RAB2A: variants seen among roughly 807,000 people sequenced by gnomAD.
The protein encoded by RAB2A is ras-related protein Rab-2A.
Under a neutral mutation model 32.5 loss-of-function variants are expected in RAB2A, and 7 were observed. The ratio of observed to expected loss-of-function variants is 0.22; its 90% CI spans 0.12 to 0.40. The LOEUF is 0.40. Among genes scored for constraint, RAB2A ranks in the 10% least tolerant of loss-of-function variants. The pLI, the probability that RAB2A is intolerant of heterozygous loss-of-function variation, is 1.00. For synonymous variants in RAB2A, 79 were observed against 85.2 expected (o/e 0.93, Z 0.40); for missense variants, 108 against 260.7 (o/e 0.41, Z 4.03).
intron 2 of RAB2A, chr8:60,559,183 T>G: frequency 2.8e-6 from 1 of 351,106 alleles, no homozygotes; most frequent in East Asian, 5.9e-5. Flanking sequence ...ATGAAACAAT[T>G]TAAGAGACAG....
intron 6 of RAB2A, among the ~76,000 whole-genome samples, chr8:60,609,855 G>C (rs1804305855): frequency 6.6e-6 from 1 of 150,910 alleles, no homozygotes; most frequent in Admixed American, 6.6e-5. Context: ...TGTACTCCCA[G>C]CTATGAGGTA....
chr8:60,540,491 CTTCTTT>C (rs1807623424), intron 1 of RAB2A, among the ~76,000 whole-genome samples: 1 of 142,388 alleles, frequency 7.0e-6, no homozygotes, highest in East Asian at 2.1e-4. Flanking sequence ...CCCTCCCTTT[CTTCTTT>C]TTGAGACAGT....
intron 1 of RAB2A, among the ~76,000 whole-genome samples, chr8:60,556,572 G>A (rs912297350): frequency 8.6e-5 from 13 of 150,742 alleles, no homozygotes; most frequent in African/African-American, 3.2e-4. Context: ...GGCTAAGGTG[G>A]TAGGATCTCT....
At chr8:60,598,556 GTA>G (rs56831958) in intron 6 of RAB2A, among the ~76,000 whole-genome samples, 80,803 of 151,756 alleles carry the variant, frequency 0.53, 24,358 homozygotes, top group African/African-American at 0.83. Context: ...CGTTTATAAA[GTA>G]TATATACATC....
rs577310017 is a variant in RAB2A at position 60,613,332 on chromosome 8, A to G, written c.475-5248A>G. 6.6e-5 allele frequency among the ~76,000 whole-genome samples: 10 copies of G among 152,234 alleles called. No individual in the cohort carries two copies. The East Asian group carries it at 9.6e-4, about 15-fold the overall frequency. ...GTTCATGCCAACAGCTGACACACCT[A>G]TTGGGTGCTTACTACATGTCAAGCA... On this transcript the variant is annotated intron_variant, in intron 6 of 7. Transcript: ENST00000262646.
At chr8:60,579,519 C>T (rs1376584113) in intron 3 of RAB2A, among the ~76,000 whole-genome samples, 1 of 152,160 alleles carries the variant, frequency 6.6e-6, no homozygotes, top group Admixed American at 6.5e-5. Flanking sequence ...GAATCTCTTA[C>T]TATTAAATAC....
rs531486570 is a variant in RAB2A, at chr8:60,567,240, C to T, written c.119-4806C>T. On this transcript the variant is annotated intron_variant, in intron 2 of 7. Transcript: ENST00000262646. ...AAGTAATTCTTGCGCCTCAGCCTCC[C>T]GAGTAGCTGGAATTAGAGGCACGTA... Among the ~76,000 whole-genome samples, 10 of 151,944 alleles carry T rather than the reference C, an allele frequency of 6.6e-5. 1 individual carries two copies. The highest frequency in any genetic ancestry group is 5.8e-4 in the East Asian group (3 of 5,168).
At chr8:60,545,818 A>T (rs1390955352) in intron 1 of RAB2A, among the ~76,000 whole-genome samples, 5 of 152,238 alleles carry the variant, frequency 3.3e-5, no homozygotes. Flanking sequence ...CAGGCCTTAA[A>T]AAACAATGTT....
chr8:60,548,918 TCAGA>T (rs370500810), intron 1 of RAB2A, among the ~76,000 whole-genome samples: 33,687 of 144,378 alleles, frequency 0.23, 3,841 homozygotes, highest in Middle Eastern at 0.42. Context: ...TCCTCACTTC[TCAGA>T]CAGGGCAGTT....
intron 2 of RAB2A, among the ~76,000 whole-genome samples, chr8:60,564,145 G>A (rs1022392302): frequency 6.6e-6 from 1 of 152,046 alleles, no homozygotes; most frequent in Non-Finnish European, 1.5e-5. Flanking sequence ...TGCTCTTTAA[G>A]CAGACATCTT....
At chr8:60,530,373 T>C (rs1284698707) in intron 1 of RAB2A, among the ~76,000 whole-genome samples, 3 of 152,066 alleles carry the variant, frequency 2.0e-5, no homozygotes. Flanking sequence ...TTCAAACTCC[T>C]GACCTCATGT....
intron 2 of RAB2A, chr8:60,570,053 C>T (rs1482521436): frequency 6.6e-6 from 3 of 455,948 alleles, no homozygotes; most frequent in African/African-American, 4.0e-5. Context: ...ATGGAATGGT[C>T]ACAGGTCAGT....
At chr8:60,617,701 C>T (rs777204894) in intron 6 of RAB2A, among the ~76,000 whole-genome samples, 6 of 152,058 alleles carry the variant, frequency 3.9e-5, no homozygotes, top group Non-Finnish European at 4.4e-5. Flanking sequence ...ACCGAGATTG[C>T]GCCGCTGCAC....
intron 2 of RAB2A, among the ~76,000 whole-genome samples, chr8:60,571,256 G>A (rs911006785): frequency 7.2e-5 from 11 of 152,142 alleles, no homozygotes; most frequent in African/African-American, 2.4e-4. Flanking sequence ...GTTGAAAAAT[G>A]TATGCAGAAA....
chr8:60,620,716 G>A lies in RAB2A; in HGVS notation c.586G>A (p.Ala196Thr). The A allele has an allele frequency of 6.2e-7, 1 of 1,613,904 alleles. No individual in the cohort carries two copies. Among genetic ancestry groups the A allele is most frequent in the South Asian group, 1.1e-5 (1 of 91,086 alleles). ...TGGCCCTCAGCATGCTGCTACCAAT[G>A]CAACACATGCAGGCAATCAGGGAGG... Reference protein sequence around the residue: ...KIGPQHAATNATHAGNQGGQQ... With the variant: ...KIGPQHAATNTTHAGNQGGQQ... Residue 196 changes from alanine to threonine, a missense_variant, in exon 8 of 8, where the codon GCA (alanine) becomes ACA (threonine). Coordinates refer to ENST00000262646, the MANE Select transcript of RAB2A (RefSeq NM_002865.3).
intron 5 of RAB2A, among the ~76,000 whole-genome samples, chr8:60,585,398 G>T (rs1180960894): frequency 1.3e-5 from 2 of 152,004 alleles, no homozygotes; most frequent in Non-Finnish European, 2.9e-5. Context: ...CTGCAGCTTG[G>T]CCTCCCGGGC....
chr8:60,558,842 T>C lies in RAB2A; in HGVS notation c.47-10T>C, dbSNP rs1563469673. The C allele has an allele frequency of 2.5e-6, 4 of 1,605,756 alleles. No individual in the cohort carries two copies. The highest frequency in any genetic ancestry group is 3.4e-6 in the Non-Finnish European group (4 of 1,172,928). On this transcript the variant is annotated splice_polypyrimidine_tract_variant and intron_variant, in intron 1 of 7. Coordinates refer to ENST00000262646, the MANE Select transcript of RAB2A (RefSeq NM_002865.3). ...ATTTTGTCTCTTATTTATTTTTTTT[T>C]AACTTTCAGGTGTTGGTAAATCATG...
intron 1 of RAB2A, among the ~76,000 whole-genome samples, chr8:60,532,958 A>G (rs937395844): frequency 6.6e-6 from 1 of 152,278 alleles, no homozygotes; most frequent in Non-Finnish European, 1.5e-5. Flanking sequence ...TTTGGTTGAA[A>G]GAGCTAATAT....
At chr8:60,578,376 T>C (rs1308511730) in intron 3 of RAB2A, among the ~76,000 whole-genome samples, 1 of 152,224 alleles carries the variant, frequency 6.6e-6, no homozygotes, top group African/African-American at 2.4e-5. Context: ...AACTATGGGC[T>C]GTGGTAGACA....
Sources: gnomAD v4.1 joint callset for allele counts (sites outside exome capture counted in the v4.1 genomes callset) on GRCh38, gnomAD v4.1.1 for gene constraint, MANE v1.5 for transcripts, NCBI Gene and HGNC (gene_info 2026-07-23, HGNC 2026-07-21) for gene names.